Variants in NDFIP2 observed in about 807,000 individuals in gnomAD.
The protein encoded by NDFIP2 is NEDD4 family-interacting protein 2.
In NDFIP2, 19 loss-of-function variants were observed where a neutral mutation model predicts 36.0. The observed-to-expected ratio is 0.53, with a 90% CI of 0.37 to 0.77. The LOEUF (loss-of-function observed/expected upper bound fraction) is 0.77. NDFIP2 is among the 30% of genes least tolerant of loss of function. The probability of loss-of-function intolerance (pLI) is 0.00; values close to 1 mark genes in which losing one functional copy is unlikely to be tolerated. For synonymous variants in NDFIP2, 181 were observed against 167.7 expected (o/e 1.08, Z -0.61); for missense variants, 446 against 435.8 (o/e 1.02, Z -0.21).
At chr13:79,496,680 A>AAG (rs397694031) in intron 1 of NDFIP2, among the ~76,000 whole-genome samples, 1 of 151,616 alleles carries the variant, frequency 6.6e-6, no homozygotes, top group Admixed American at 6.6e-5. Flanking sequence ...CATAAAAAAA[A>AAG]CTTTTAAAGG....
chr13:79,493,903 A>T (rs1873339474), intron 1 of NDFIP2, among the ~76,000 whole-genome samples: 1 of 152,100 alleles, frequency 6.6e-6, no homozygotes, highest in Non-Finnish European at 1.5e-5. Context: ...AAAATCAAAT[A>T]GTACATGTCC....
At chr13:79,538,784 T>C (rs184862031) in intron 3 of NDFIP2, among the ~76,000 whole-genome samples, 164 of 152,356 alleles carry the variant, frequency 1.1e-3, no homozygotes, top group African/African-American at 3.9e-3. Flanking sequence ...GGTTTCACCA[T>C]GCTGGCCAGG....
At chr13:79,516,285 A>T (rs1009148539) in intron 1 of NDFIP2, among the ~76,000 whole-genome samples, 3 of 152,116 alleles carry the variant, frequency 2.0e-5, no homozygotes, top group African/African-American at 7.2e-5. Flanking sequence ...ACAGAGTCTC[A>T]CTTTGTCACC....
intron 1 of NDFIP2, among the ~76,000 whole-genome samples, chr13:79,487,879 C>T (rs1241321078): frequency 6.6e-6 from 1 of 152,112 alleles, no homozygotes; most frequent in Non-Finnish European, 1.5e-5. Context: ...TCTGTACTCT[C>T]TCTAGTTTGT....
chr13:79,512,028 T>G (rs1473582049), intron 1 of NDFIP2, among the ~76,000 whole-genome samples: 3 of 152,240 alleles, frequency 2.0e-5, no homozygotes, highest in Non-Finnish European at 4.4e-5. Flanking sequence ...TGTGTGAGAC[T>G]TCAGTCTTTT....
At chr13:79,543,848 T>G (rs1875553536) in intron 5 of NDFIP2, among the ~76,000 whole-genome samples, 166 bp downstream of exon 5, 1 of 152,230 alleles carries the variant, frequency 6.6e-6, no homozygotes, top group African/African-American at 2.4e-5. Flanking sequence ...GTATGAACAC[T>G]TTATAACTTT....
intron 3 of NDFIP2, among the ~76,000 whole-genome samples, 192 bp from the exon 4 acceptor site, chr13:79,539,490 T>C (rs572801859): frequency 4.6e-5 from 7 of 152,362 alleles, no homozygotes; most frequent in African/African-American, 1.4e-4. Context: ...AGTTACTCTT[T>C]TCAAATGTGA....
chr13:79,547,189 A>G (rs1018972102), intron 5 of NDFIP2, among the ~76,000 whole-genome samples: 1 of 152,134 alleles, frequency 6.6e-6, no homozygotes, highest in Non-Finnish European at 1.5e-5. Flanking sequence ...TCTTTATTTG[A>G]TATGCTTACT....
In NDFIP2 at chr13:79,497,791, GGGGGGTGTGTGTGTGT is replaced by G. The variant is rs1447592877; in HGVS notation, c.321+16269_321+16284del. Reference sequence around the variant, plus strand: ...ATGCCCATTTAAATCCTTTATCTGTGGGGGGTGTGTGTGTGTGTGTGTGTGTGTGTGTGTGTGTATG... The same window carrying G: ...ATGCCCATTTAAATCCTTTATCTGTGGTGTGTGTGTGTGTGTGTGTGTATG... On this transcript the variant is annotated intron_variant, in intron 1 of 7. Coordinates refer to ENST00000218652, the MANE Select transcript of NDFIP2 (RefSeq NM_019080.3). 1.9e-4 allele frequency among the ~76,000 whole-genome samples: 13 copies of G among 67,190 alleles called. 2 individuals are homozygous for G. Among genetic ancestry groups the G allele is most frequent in the African/African-American group, 5.0e-4 (11 of 22,012 alleles). The allele number at this position is 67,190 out of a possible 152,430, so 44.1% of individuals were successfully genotyped here.
rs1210782386 is a variant in NDFIP2 at position 79,500,873 on chromosome 13, G to C, written c.321+19349G>C. 2.6e-5 allele frequency among the ~76,000 whole-genome samples: 4 copies of C among 152,170 alleles called. No homozygotes were observed. The East Asian group carries it at 7.7e-4, about 29-fold the overall frequency. ...TCCATTCAAAAACATGCACATGTAT[G>C]TTTATAGTAGCTTTATTCATATTTG... On this transcript the variant is annotated intron_variant, in intron 1 of 7. Transcript: ENST00000218652.
At chr13:79,517,091 G>C (rs1874378234) in intron 1 of NDFIP2, among the ~76,000 whole-genome samples, 1 of 152,014 alleles carries the variant, frequency 6.6e-6, no homozygotes, top group South Asian at 2.1e-4. Flanking sequence ...AGAGAGCTCT[G>C]TTGTCATTTT....
chr13:79,530,695 C>T (rs530600835), intron 2 of NDFIP2, among the ~76,000 whole-genome samples: 53 of 152,318 alleles, frequency 3.5e-4, no homozygotes, highest in Non-Finnish European at 5.1e-4. Context: ...CTTTGCTCAT[C>T]CATAAGAAGC....
At chr13:79,550,383 GAGTGACTGTCTTCCA>G (rs1433006079) in intron 6 of NDFIP2, among the ~76,000 whole-genome samples, 1 of 151,620 alleles carries the variant, frequency 6.6e-6, no homozygotes, top group African/African-American at 2.4e-5. Flanking sequence ...TAAATCATTA[GAGTGACTGTCTTCCA>G]AGTTGTCTTT....
intron 4 of NDFIP2, among the ~76,000 whole-genome samples, chr13:79,542,218 T>C (rs971056337): frequency 1.3e-5 from 2 of 152,208 alleles, no homozygotes; most frequent in Non-Finnish European, 2.9e-5. Context: ...TTCTGAGGTT[T>C]AGCCATTTGT....
chr13:79,529,328 G>A (rs1279373510), intron 2 of NDFIP2, among the ~76,000 whole-genome samples: 2 of 151,954 alleles, frequency 1.3e-5, no homozygotes, highest in East Asian at 3.9e-4. Flanking sequence ...ATGTATTAGT[G>A]GTAGGGATTT....
chr13:79,536,082 A>G (rs116284533), intron 3 of NDFIP2, among the ~76,000 whole-genome samples: 2,457 of 152,286 alleles, frequency 0.016, 43 homozygotes, highest in African/African-American at 0.054. Flanking sequence ...CCTATTTCTG[A>G]TGTGTAGAAT....
intron 1 of NDFIP2, among the ~76,000 whole-genome samples, chr13:79,482,889 A>G (rs1215159472): frequency 1.3e-5 from 2 of 152,190 alleles, no homozygotes; most frequent in African/African-American, 2.4e-5. Flanking sequence ...TTGTCAGTGT[A>G]CACCCTTTTG....
chr13:79,488,961 A>T (rs1873122657), intron 1 of NDFIP2, among the ~76,000 whole-genome samples: 1 of 152,216 alleles, frequency 6.6e-6, no homozygotes, highest in Non-Finnish European at 1.5e-5. Context: ...CACTTCTATG[A>T]AGTAGATAAT....
rs1376906580 is a variant in NDFIP2 at position 79,554,780 on chromosome 13, A to G, written c.*2267A>G. On this transcript the variant is annotated 3_prime_UTR_variant, in exon 8 of 8. Coordinates refer to ENST00000218652, the MANE Select transcript of NDFIP2 (RefSeq NM_019080.3). Reference sequence around the variant, plus strand: ...ACTCTGCCTTAAAGATTGAAAAATCAAAACTCTTGTTAGGGTATCTAAACA... The same window carrying G: ...ACTCTGCCTTAAAGATTGAAAAATCGAAACTCTTGTTAGGGTATCTAAACA... The G allele has an allele frequency of 1.3e-5, 2 of 151,988 alleles. No homozygotes were observed. Among genetic ancestry groups the G allele is most frequent in the Non-Finnish European group, 2.9e-5 (2 of 67,874 alleles). 9.4% of individuals were successfully genotyped at this position (151,988 alleles called of 1,614,324 possible). A position where few individuals can be genotyped will look rare whatever the true frequency, so the allele number is the denominator to read the frequency against.
Sources: allele counts gnomAD v4.1 joint callset (sites outside exome capture counted in the v4.1 genomes callset), GRCh38; gene constraint gnomAD v4.1.1; transcripts MANE v1.5; gene names NCBI Gene and HGNC (gene_info 2026-07-23, HGNC 2026-07-21).